Variants in PCDH9 observed in about 807,000 individuals in gnomAD.
PCDH9 encodes protocadherin 9.
In PCDH9, 24 loss-of-function variants were observed where a neutral mutation model predicts 70.6. That is an observed-to-expected ratio of 0.34 (90% CI 0.25 to 0.48). The LOEUF is 0.48. Ranked by LOEUF, PCDH9 falls within the 20% of genes least tolerant of loss-of-function variation. The pLI is 0.99. For synonymous variants in PCDH9, 562 were observed against 558.5 expected (o/e 1.01, Z -0.09); for missense variants, 1,281 against 1,503.6 (o/e 0.85, Z 2.45).
intron 4 of PCDH9, among the ~76,000 whole-genome samples, chr13:66,353,642 A>C (rs1956330076): frequency 6.6e-6 from 1 of 152,038 alleles, no homozygotes; most frequent in South Asian, 2.1e-4. Context: ...TTACCTTTTA[A>C]AATTTTTGTC....
In PCDH9 at chr13:67,209,486, C is replaced by T. The variant is rs544662011; in HGVS notation, c.3036+15919G>A. 14 of 152,156 alleles carry T rather than the reference C, an allele frequency of 9.2e-5. No individual in the cohort carries two copies. The East Asian group carries it at 2.5e-3, about 27-fold the overall frequency. The allele number at this position is 152,156 out of a possible 1,614,324, so 9.4% of individuals were successfully genotyped here. Reference sequence around the variant, plus strand: ...CAAACTTACAAAGTGACTCCTAGACCGATCCATCTACAGTGTAAAATAGTC... The same window carrying T: ...CAAACTTACAAAGTGACTCCTAGACTGATCCATCTACAGTGTAAAATAGTC... On this transcript the variant is annotated intron_variant, in intron 2 of 4. Transcript: ENST00000377865.
At chr13:67,034,997 G>A (rs561801065) in intron 2 of PCDH9, among the ~76,000 whole-genome samples, 1 of 152,038 alleles carries the variant, frequency 6.6e-6, no homozygotes, top group East Asian at 1.9e-4. Context: ...CAGAAATATG[G>A]TAGCATGTAC....
chr13:66,977,265 C>T (rs1047829652), intron 2 of PCDH9, among the ~76,000 whole-genome samples: 1 of 152,018 alleles, frequency 6.6e-6, no homozygotes, highest in South Asian at 2.1e-4. Context: ...AAAAATCTGG[C>T]TTGCAGGGTG....
intron 4 of PCDH9, among the ~76,000 whole-genome samples, chr13:66,343,616 T>C (rs933657529): frequency 2.0e-5 from 3 of 152,232 alleles, no homozygotes; most frequent in Non-Finnish European, 2.9e-5. Context: ...TTTCTGTCCC[T>C]AGCTGGAGAA....
chr13:66,786,878 AAGG>A (rs1213192635), intron 3 of PCDH9, among the ~76,000 whole-genome samples: 1 of 151,852 alleles, frequency 6.6e-6, no homozygotes, highest in African/African-American at 2.4e-5. Flanking sequence ...CATGCATATT[AAGG>A]AGAAGAAAAA....
intron 4 of PCDH9, among the ~76,000 whole-genome samples, chr13:66,567,603 T>G (rs1055704452): frequency 6.6e-6 from 1 of 152,176 alleles, no homozygotes; most frequent in African/African-American, 2.4e-5. Flanking sequence ...CATTTATACT[T>G]TTTACTTTGC....
At chr13:66,738,776 A>G (rs923115239) in intron 3 of PCDH9, among the ~76,000 whole-genome samples, 1 of 152,074 alleles carries the variant, frequency 6.6e-6, no homozygotes, top group African/African-American at 2.4e-5. Context: ...ATGAAGCGAG[A>G]AGGGAAGTTC....
intron 2 of PCDH9, among the ~76,000 whole-genome samples, chr13:67,021,897 T>C (rs2084680354): frequency 6.6e-6 from 1 of 151,930 alleles, no homozygotes; most frequent in Non-Finnish European, 1.5e-5. Flanking sequence ...TTTTGTTTTT[T>C]CTCTATGTGT....
At chr13:66,440,982 A>T (rs910884467) in intron 4 of PCDH9, among the ~76,000 whole-genome samples, 1 of 152,184 alleles carries the variant, frequency 6.6e-6, no homozygotes, top group Non-Finnish European at 1.5e-5. Flanking sequence ...AATTAACTTT[A>T]AAGTGACTCA....
In PCDH9 at chr13:66,497,742, A is replaced by G. The variant is rs535231066; in HGVS notation, c.3340+133468T>C. ...AGCAGGTGTTCCTTACACAGCAGCA[A>G]TTTGCTCTCCATTAAGTTATAATAG... On this transcript the variant is annotated intron_variant, in intron 4 of 4. Transcript: ENST00000377865. Among the ~76,000 whole-genome samples, 24 of 151,850 alleles carry G rather than the reference A, an allele frequency of 1.6e-4. 1 individual carries two copies. The South Asian group carries it at 5.0e-3, about 32-fold the overall frequency.
chr13:66,812,069 C>T (rs2080518890), intron 3 of PCDH9, among the ~76,000 whole-genome samples: 1 of 151,870 alleles, frequency 6.6e-6, no homozygotes. Flanking sequence ...TACCTCACCC[C>T]CTTCCCACTC....
chr13:67,173,532 C>T (rs2088356694), intron 2 of PCDH9, among the ~76,000 whole-genome samples: 1 of 152,088 alleles, frequency 6.6e-6, no homozygotes, highest in South Asian at 2.1e-4. Context: ...AGGAGTTTCA[C>T]AAGATGGAAA....
At chr13:66,386,120 C>G (rs764275562) in intron 4 of PCDH9, among the ~76,000 whole-genome samples, 1 of 151,984 alleles carries the variant, frequency 6.6e-6, no homozygotes, top group Non-Finnish European at 1.5e-5. Flanking sequence ...AGTGATGTTG[C>G]ATATTATCCG....
At chr13:67,184,503 C>G (rs2088698443) in intron 2 of PCDH9, among the ~76,000 whole-genome samples, 1 of 152,082 alleles carries the variant, frequency 6.6e-6, no homozygotes, top group Non-Finnish European at 1.5e-5. Context: ...CTAAGGCGGG[C>G]AGTCTCCTTG....
Position 66,601,589 on chromosome 13 carries a change from C to CA in PCDH9, c.3340+29620dup, listed in dbSNP as rs1282523652. Among the ~76,000 whole-genome samples, 5 of 146,210 alleles carry CA rather than the reference C, an allele frequency of 3.4e-5. 1 individual carries two copies. The highest frequency in any genetic ancestry group is 7.7e-5 in the Non-Finnish European group (5 of 64,996). On this transcript the variant is annotated intron_variant, in intron 4 of 4. Coordinates refer to ENST00000377865, the MANE Select transcript of PCDH9 (RefSeq NM_203487.3). ...AGTAAATTTTTCTTTTGACTGTCATCATTAGTATCACCATTAAATTAAGTC... is the reference window on the plus strand; with the variant it reads ...AGTAAATTTTTCTTTTGACTGTCATCAATTAGTATCACCATTAAATTAAGTC...
intron 4 of PCDH9, among the ~76,000 whole-genome samples, chr13:66,367,780 G>T (rs1389720663): frequency 6.6e-6 from 1 of 152,154 alleles, no homozygotes; most frequent in African/African-American, 2.4e-5. Flanking sequence ...ATATTAAAAT[G>T]AGTAGGGAAA....
At chr13:66,437,161 A>T (rs899749772) in intron 4 of PCDH9, among the ~76,000 whole-genome samples, 1 of 151,722 alleles carries the variant, frequency 6.6e-6, no homozygotes, top group Non-Finnish European at 1.5e-5. Context: ...TAATCTCAGC[A>T]CTTTGGGAGG....
At chr13:66,499,728 A>G (rs1959166996) in intron 4 of PCDH9, among the ~76,000 whole-genome samples, 1 of 152,238 alleles carries the variant, frequency 6.6e-6, no homozygotes, top group Admixed American at 6.5e-5. Context: ...GTCCCCTCAA[A>G]ATCTCATGTT....
chr13:67,154,575 CAAA>C (rs753995213), intron 2 of PCDH9, among the ~76,000 whole-genome samples: 1,430 of 36,892 alleles, frequency 0.039, 62 homozygotes, highest in African/African-American at 0.079. Context: ...GACCCTGTCT[CAAA>C]AAAAAAAAAA....
Sources: gnomAD v4.1 joint callset for allele counts (sites outside exome capture counted in the v4.1 genomes callset) on GRCh38, gnomAD v4.1.1 for gene constraint, MANE v1.5 for transcripts, NCBI Gene and HGNC (gene_info 2026-07-23, HGNC 2026-07-21) for gene names.